PAN3: variants seen among roughly 807,000 people sequenced by gnomAD.
PAN3 encodes PAN2-PAN3 deadenylation complex subunit PAN3.
Under a neutral mutation model 96.2 loss-of-function variants are expected in PAN3, and 19 were observed. The observed-to-expected ratio is 0.20, with a 90% confidence interval of 0.14 to 0.29. The LOEUF is 0.29. Ranked by LOEUF, PAN3 falls within the 10% of genes least tolerant of loss-of-function variation. The pLI, the probability that PAN3 is intolerant of heterozygous loss-of-function variation, is 1.00. For missense variants in PAN3, 882 were observed against 1,108.1 expected (o/e 0.80, Z 2.90); for synonymous variants, 433 against 406.6 (o/e 1.06, Z -0.78).
intron 6 of PAN3, among the ~76,000 whole-genome samples, chr13:28,243,774 C>G (rs769038577): frequency 6.6e-6 from 1 of 152,008 alleles, no homozygotes; most frequent in Non-Finnish European, 1.5e-5. Context: ...CTGTGAAGCC[C>G]GCCTCCCAGA....
intron 2 of PAN3, among the ~76,000 whole-genome samples, chr13:28,176,050 G>GT (rs770341216): frequency 6.6e-6 from 1 of 152,194 alleles, no homozygotes; most frequent in Non-Finnish European, 1.5e-5. Flanking sequence ...CATAGAACGT[G>GT]TTTAGAGAAC....
chr13:28,165,587 A>T lies in PAN3; in HGVS notation c.431-8685A>T, dbSNP rs144044919. On this transcript the variant is annotated intron_variant, in intron 1 of 18. Coordinates refer to ENST00000380958, the MANE Select transcript of PAN3 (RefSeq NM_175854.8). ...GAATATCAACCTTGCCACAGTTGTT[A>T]TTCAGATGTAGATTCATATCTATAA... Among the ~76,000 whole-genome samples the T allele has an allele frequency of 3.7e-3, 557 of 152,326 alleles. 1 individual carries two copies. The highest frequency in any genetic ancestry group is 0.013 in the African/African-American group (531 of 41,570).
intron 4 of PAN3, among the ~76,000 whole-genome samples, chr13:28,192,025 C>T (rs1593442582): frequency 6.6e-6 from 1 of 150,886 alleles, no homozygotes; most frequent in Non-Finnish European, 1.5e-5. Flanking sequence ...GCATGAGCCA[C>T]TGTGCTTGGC....
intron 1 of PAN3, among the ~76,000 whole-genome samples, chr13:28,152,978 T>C (rs1871567143): frequency 6.6e-6 from 1 of 152,164 alleles, no homozygotes; most frequent in Non-Finnish European, 1.5e-5. Flanking sequence ...AAATTTAAGA[T>C]GTCCACATCC....
intron 4 of PAN3, among the ~76,000 whole-genome samples, chr13:28,181,221 T>C (rs1392699507): frequency 6.6e-6 from 1 of 151,754 alleles, no homozygotes; most frequent in East Asian, 1.9e-4. Flanking sequence ...ATGTGAAAAA[T>C]AGTACAGTCT....
chr13:28,150,796 G>C (rs760764825), intron 1 of PAN3, among the ~76,000 whole-genome samples: 27 of 152,224 alleles, frequency 1.8e-4, no homozygotes, highest in Non-Finnish European at 3.5e-4. Context: ...TACTCTGTTA[G>C]GTACTGTTTT....
intron 2 of PAN3, 143 bp downstream of exon 2, chr13:28,174,536 A>G (rs563744784): frequency 2.7e-5 from 26 of 965,284 alleles, no homozygotes; most frequent in Non-Finnish European, 3.4e-5. Flanking sequence ...TAGGTAAACT[A>G]TCTCCCATGG....
chr13:28,148,019 G>C (rs752795405), intron 1 of PAN3, among the ~76,000 whole-genome samples: 1 of 151,850 alleles, frequency 6.6e-6, no homozygotes, highest in Non-Finnish European at 1.5e-5. Context: ...GCAGTGGTGT[G>C]ATCACAGCTC....
chr13:28,275,100 C>T (rs1886951264), intron 14 of PAN3, among the ~76,000 whole-genome samples: 1 of 152,004 alleles, frequency 6.6e-6, no homozygotes, highest in Non-Finnish European at 1.5e-5. Flanking sequence ...AGCAAAATAA[C>T]AAATGGAAAA....
intron 6 of PAN3, among the ~76,000 whole-genome samples, chr13:28,222,809 T>A (rs1347130405): frequency 6.6e-6 from 1 of 152,164 alleles, no homozygotes; most frequent in East Asian, 1.9e-4. Context: ...TGATTTTAGT[T>A]ACAAGTTTTT....
chr13:28,158,736 G>C (rs1314837510), intron 1 of PAN3, among the ~76,000 whole-genome samples: 2 of 152,094 alleles, frequency 1.3e-5, no homozygotes, highest in East Asian at 3.9e-4. Context: ...AAATTAGTTG[G>C]GTGTGGTGGT....
At chr13:28,220,749 GTCC>G (rs1367908216) in intron 6 of PAN3, among the ~76,000 whole-genome samples, 2 of 152,192 alleles carry the variant, frequency 1.3e-5, no homozygotes, top group Non-Finnish European at 1.5e-5. Flanking sequence ...ATGCCTCAGA[GTCC>G]TCCTTTTACA....
intron 14 of PAN3, among the ~76,000 whole-genome samples, chr13:28,275,969 A>C (rs907109962): frequency 3.3e-5 from 5 of 151,342 alleles, no homozygotes; most frequent in Admixed American, 6.6e-5. Flanking sequence ...AATGGAGTTT[A>C]ACGTCTTTTT....
At chr13:28,215,165 C>A in intron 5 of PAN3, 1 of 717,200 alleles carries the variant, frequency 1.4e-6, no homozygotes, top group African/African-American at 1.7e-5. Flanking sequence ...GGAAAGTCAC[C>A]CATAAAGATG....
intron 1 of PAN3, among the ~76,000 whole-genome samples, chr13:28,168,765 T>A (rs966115801): frequency 1.8e-4 from 27 of 151,850 alleles, no homozygotes; most frequent in African/African-American, 6.0e-4. Context: ...ACGCCTGTAA[T>A]CCCACCACTT....
intron 1 of PAN3, among the ~76,000 whole-genome samples, chr13:28,151,143 G>T (rs1224539630): frequency 2.0e-5 from 3 of 152,182 alleles, no homozygotes; most frequent in Non-Finnish European, 4.4e-5. Context: ...ATAGGTTGGT[G>T]TGGAGTGAGG....
chr13:28,174,791 C>T (rs1375163275), intron 2 of PAN3, among the ~76,000 whole-genome samples: 1 of 152,150 alleles, frequency 6.6e-6, no homozygotes, highest in Non-Finnish European at 1.5e-5. Flanking sequence ...AGTTAACCTT[C>T]CTAGAGTTAG....
Position 28,174,270 on chromosome 13 carries a change from A to G in PAN3, c.431-2A>G. 2 of 1,607,858 alleles carry G rather than the reference A, an allele frequency of 1.2e-6. No individual in the cohort carries two copies. The highest frequency in any genetic ancestry group is 2.2e-5 in the South Asian group (2 of 89,720). On this transcript the variant is annotated splice_acceptor_variant, in intron 1 of 18. Transcript: ENST00000380958. LOFTEE classifies it high-confidence loss of function. ...AATACTTGAATTTTCCTTCTCTTTCAGTTCCAGGAATGGATGGAGGTGCTT... is the reference window on the plus strand; with the variant it reads ...AATACTTGAATTTTCCTTCTCTTTCGGTTCCAGGAATGGATGGAGGTGCTT...
chr13:28,155,587 T>A (rs1872034537), intron 1 of PAN3, among the ~76,000 whole-genome samples: 1 of 151,884 alleles, frequency 6.6e-6, no homozygotes, highest in Admixed American at 6.6e-5. Context: ...AGACTCCATC[T>A]CGAAAAAAAA....
Sources: gnomAD v4.1 joint callset for allele counts (sites outside exome capture counted in the v4.1 genomes callset) on GRCh38, gnomAD v4.1.1 for gene constraint, MANE v1.5 for transcripts, NCBI Gene and HGNC (gene_info 2026-07-23, HGNC 2026-07-21) for gene names.